SPATA17: variants seen among roughly 807,000 people sequenced by gnomAD.
The protein encoded by SPATA17 is spermatogenesis-associated protein 17.
In SPATA17, 53 loss-of-function variants were observed where a neutral mutation model predicts 62.2. The ratio of observed to expected loss-of-function variants is 0.85; its 90% CI spans 0.68 to 1.07. SPATA17 has a LOEUF of 1.07. Ranked by LOEUF, SPATA17 falls within the 50% of genes least tolerant of loss-of-function variation. The pLI is 0.00. For missense variants in SPATA17, 466 were observed against 425.5 expected (o/e 1.10, Z -0.84); for synonymous variants, 146 against 146.8 (o/e 0.99, Z 0.04).
chr1:217,653,558 T>C (rs886081748), intron 3 of SPATA17, among the ~76,000 whole-genome samples: 1 of 151,860 alleles, frequency 6.6e-6, no homozygotes, highest in East Asian at 1.9e-4. Flanking sequence ...GAGTTACATC[T>C]TCATGATCTT....
intron 9 of SPATA17, among the ~76,000 whole-genome samples, chr1:217,816,409 T>C (rs1674717868): frequency 6.6e-6 from 1 of 151,704 alleles, no homozygotes; most frequent in Admixed American, 6.6e-5. Context: ...ATTTTTCTAC[T>C]AATTCTAGCA....
intron 1 of SPATA17, among the ~76,000 whole-genome samples, chr1:217,647,725 A>AT (rs200647656): frequency 0.052 from 7,776 of 148,568 alleles, 654 homozygotes; most frequent in African/African-American, 0.18. Context: ...TCTTTTTAAA[A>AT]TTTTTTTTTT....
intron 9 of SPATA17, among the ~76,000 whole-genome samples, chr1:217,826,367 G>C (rs1675002312): frequency 6.6e-6 from 1 of 152,044 alleles, no homozygotes; most frequent in African/African-American, 2.4e-5. Context: ...TTGGAGTATA[G>C]AGCTTTATTA....
At chr1:217,696,957 A>C (rs1412345474) in intron 5 of SPATA17, among the ~76,000 whole-genome samples, 1 of 152,174 alleles carries the variant, frequency 6.6e-6, no homozygotes, top group Admixed American at 6.5e-5. Context: ...CCCCAAGGTT[A>C]CCTGACTTTG....
At chr1:217,756,595 TA>T (rs983905555) in intron 6 of SPATA17, among the ~76,000 whole-genome samples, 4 of 152,224 alleles carry the variant, frequency 2.6e-5, no homozygotes, top group African/African-American at 9.6e-5. Flanking sequence ...AAGCAACTTC[TA>T]GACAACATAT....
chr1:217,842,785 A>G (rs531749155), intron 9 of SPATA17, among the ~76,000 whole-genome samples: 3 of 151,770 alleles, frequency 2.0e-5, no homozygotes, highest in African/African-American at 4.8e-5. Context: ...TGTTTCTTCA[A>G]TTTTTGGGGT....
At chr1:217,646,149 TCTC>T (rs1670176282) in intron 1 of SPATA17, among the ~76,000 whole-genome samples, 4 of 152,130 alleles carry the variant, frequency 2.6e-5, no homozygotes, top group Admixed American at 2.0e-4. Context: ...CAACTATTAA[TCTC>T]CTCATTTCCC....
intron 4 of SPATA17, among the ~76,000 whole-genome samples, chr1:217,670,911 A>C (rs1040642882): frequency 6.9e-6 from 1 of 145,114 alleles, no homozygotes; most frequent in African/African-American, 2.6e-5. Context: ...AGATCCCACC[A>C]CTGCACTCCA....
chr1:217,725,302 C>G (rs888882033), intron 5 of SPATA17, among the ~76,000 whole-genome samples: 1 of 152,154 alleles, frequency 6.6e-6, no homozygotes, highest in Non-Finnish European at 1.5e-5. Context: ...TCTGATTCTT[C>G]TCTTTCTTTG....
At chr1:217,751,288 T>A (rs927275589) in intron 6 of SPATA17, among the ~76,000 whole-genome samples, 7 of 152,318 alleles carry the variant, frequency 4.6e-5, no homozygotes, top group Admixed American at 3.3e-4. Context: ...AAAGCAGAAA[T>A]TATCTTTCTA....
chr1:217,860,519 C>A (rs888097809), intron 9 of SPATA17, among the ~76,000 whole-genome samples: 5 of 152,126 alleles, frequency 3.3e-5, no homozygotes, highest in Admixed American at 2.0e-4. Context: ...TTGTCTATTT[C>A]TTCTTGCAGT....
chr1:217,717,587 T>C (rs1191827366), intron 5 of SPATA17, among the ~76,000 whole-genome samples: 1 of 152,100 alleles, frequency 6.6e-6, no homozygotes, highest in Admixed American at 6.6e-5. Flanking sequence ...CTAGCCTGGG[T>C]GACAGAGTGA....
At position 217,855,185 on chromosome 1, in the gene SPATA17, G is replaced by A. The variant is rs533913171; in HGVS notation, c.1006-7589G>A. Among the ~76,000 whole-genome samples the A allele has an allele frequency of 1.7e-3, 257 of 152,230 alleles. 1 individual carries two copies. The highest frequency in any genetic ancestry group is 5.1e-3 in the African/African-American group (212 of 41,540). On this transcript the variant is annotated intron_variant, in intron 9 of 10. Coordinates refer to ENST00000366933, the MANE Select transcript of SPATA17 (RefSeq NM_138796.4). ...AACCATTCTGATACTGTCTCTGAAC[G>A]TTTTTGCAGCATATTTTCCCACAGA...
Position 217,683,350 on chromosome 1 carries a change from T to C in SPATA17, c.384T>C (p.Asn128=), listed in dbSNP as rs755790434. The change falls in exon 5 of 11, where the codon AAT becomes AAC. Residue 128 remains asparagine, a synonymous_variant. Coordinates refer to ENST00000366933, the MANE Select transcript of SPATA17 (RefSeq NM_138796.4). Reference sequence around the variant, plus strand: ...ACCTGAAAGTCGTTTCAGAGACCAATGATGCAATTAGGTAAGTAGTGCAAT... The same window carrying C: ...ACCTGAAAGTCGTTTCAGAGACCAACGATGCAATTAGGTAAGTAGTGCAAT... The part of the protein sequence containing the change: ...KEYLKVVSET[N]DAIRKALEEF... 2 of 1,603,550 alleles carry C rather than the reference T, an allele frequency of 1.2e-6. No homozygotes were observed. The highest frequency in any genetic ancestry group is 1.7e-6 in the Non-Finnish European group (2 of 1,172,010).
chr1:217,733,835 T>C (rs1343854520), intron 5 of SPATA17, among the ~76,000 whole-genome samples: 1 of 152,186 alleles, frequency 6.6e-6, no homozygotes, highest in Non-Finnish European at 1.5e-5. Context: ...ACTCTATATT[T>C]CAGAATAAGG....
rs57489651 is a variant in SPATA17 at position 217,749,985 on chromosome 1, C to CTATATATATATATA, written c.519+7901_519+7914dup. ...TCTCTCTCTCTCTCTCTCTCTCTCT[C>CTATATATATATATA]TATATATATATATATATATATATAT... On this transcript the variant is annotated intron_variant, in intron 6 of 10. Coordinates refer to ENST00000366933, the MANE Select transcript of SPATA17 (RefSeq NM_138796.4). 9.9e-3 allele frequency among the ~76,000 whole-genome samples: 122 copies of CTATATATATATATA among 12,298 alleles called. 13 individuals carry two copies. The highest frequency in any genetic ancestry group is 0.031 in the Middle Eastern group (1 of 32). 8.1% of individuals were successfully genotyped at this position (12,298 alleles called of 152,430 possible). A position where few individuals can be genotyped will look rare whatever the true frequency, so the allele number is the denominator to read the frequency against.
chr1:217,791,080 T>C lies in SPATA17; in HGVS notation c.872+8758T>C, dbSNP rs112216214. On this transcript the variant is annotated intron_variant, in intron 8 of 10. Coordinates refer to ENST00000366933, the MANE Select transcript of SPATA17 (RefSeq NM_138796.4). ...CAATTCAACTTTTATTTGTAACTCT[T>C]CCATTTATTTTAATTACTAGCACAG... 2.0e-3 allele frequency among the ~76,000 whole-genome samples: 307 copies of C among 152,338 alleles called. 3 individuals carry two copies. Among genetic ancestry groups the C allele is most frequent in the African/African-American group, 7.1e-3 (296 of 41,582 alleles).
At position 217,651,093 on chromosome 1, in the gene SPATA17, C is replaced by A; in HGVS notation, c.159-4C>A. 1 of 1,593,960 alleles carries A rather than the reference C, an allele frequency of 6.3e-7. No homozygotes were observed. The highest frequency in any genetic ancestry group is 8.5e-7 in the Non-Finnish European group (1 of 1,171,418). On this transcript the variant is annotated splice_region_variant and splice_polypyrimidine_tract_variant and intron_variant, in intron 2 of 10. Coordinates refer to ENST00000366933, the MANE Select transcript of SPATA17 (RefSeq NM_138796.4). ...TACTAATAAGCATATTTTTTTTATC[C>A]TAGGCATTTAAACAGGATTGTAACA...
intron 8 of SPATA17, among the ~76,000 whole-genome samples, chr1:217,786,921 G>A (rs923263759): frequency 1.3e-5 from 2 of 151,688 alleles, no homozygotes; most frequent in African/African-American, 4.8e-5. Flanking sequence ...TACATTTCAG[G>A]TTTACATTTT....
Sources: allele counts gnomAD v4.1 joint callset (sites outside exome capture counted in the v4.1 genomes callset), GRCh38; gene constraint gnomAD v4.1.1; transcripts MANE v1.5; gene names NCBI Gene and HGNC (gene_info 2026-07-23, HGNC 2026-07-21).